Variants in CD46 observed in about 807,000 individuals in gnomAD.
CD46 encodes the protein membrane cofactor protein.
Under a neutral mutation model 53.3 loss-of-function variants are expected in CD46, and 30 were observed. That is an observed-to-expected ratio of 0.56 (90% CI 0.42 to 0.76). The LOEUF (loss-of-function observed/expected upper bound fraction) is 0.76, where lower values mean the gene tolerates loss of function less well. Among genes scored for constraint, CD46 ranks in the 30% least tolerant of loss-of-function variants. The pLI is 0.00. For missense variants in CD46, 409 were observed against 463.0 expected (o/e 0.88, Z 1.07); for synonymous variants, 142 against 152.0 (o/e 0.93, Z 0.48).
intron 8 of CD46, among the ~76,000 whole-genome samples, chr1:207,772,829 G>C (rs997244987): frequency 6.6e-6 from 1 of 152,116 alleles, no homozygotes; most frequent in African/African-American, 2.4e-5. Flanking sequence ...TTTTTGCATC[G>C]ATGTTCATCA....
At chr1:207,774,453 A>G (rs143201645) in intron 8 of CD46, among the ~76,000 whole-genome samples, 188 of 152,332 alleles carry the variant, frequency 1.2e-3, no homozygotes, top group Non-Finnish European at 2.2e-3. Context: ...TTTGCCCGTT[A>G]ACTGATGCAG....
At chr1:207,753,981 C>T (rs1320007637) in intron 1 of CD46, among the ~76,000 whole-genome samples, 1 of 152,144 alleles carries the variant, frequency 6.6e-6, no homozygotes, top group Non-Finnish European at 1.5e-5. Flanking sequence ...TGTTTACACA[C>T]ACATTCATGC....
chr1:207,762,934 A>C (rs1476196602), intron 5 of CD46: 1 of 152,450 alleles, frequency 6.6e-6, no homozygotes, highest in Admixed American at 6.5e-5. Flanking sequence ...TTGCTCTGTC[A>C]CCTCAGCACT....
rs1659691792 is a variant in CD46 at position 207,790,428 on chromosome 1, C to T, written c.*41+83C>T. On this transcript the variant is annotated intron_variant, in intron 12 of 12. Coordinates refer to ENST00000367042, the MANE Select transcript of CD46 (RefSeq NM_172351.3). ...GATATATAGATATCAATAACCTGAG[C>T]AAAGAGATATTGGCAGTAAATATCA... 5.5e-6 allele frequency: 4 copies of T among 723,116 alleles called. No homozygotes were observed. In the South Asian group the frequency reaches 6.0e-5, roughly 11 times the overall value. The allele number at this position is 723,116 out of a possible 1,614,324, so 44.8% of individuals were successfully genotyped here.
At position 207,790,188 on chromosome 1, in the gene CD46, G is replaced by A. The variant is rs375867489; in HGVS notation, c.1083-65G>A. On this transcript the variant is annotated intron_variant, in intron 11 of 12. Transcript: ENST00000367042. ...CACTGGATTTTATCCCACTTGTTAT[G>A]CTACTCGTTTCTTTTTGGTTTGAAG... 200 of 821,982 alleles carry A rather than the reference G, an allele frequency of 2.4e-4. No individual in the cohort carries two copies. The African/African-American group carries it at 2.9e-3, about 12-fold the overall frequency. 50.9% of individuals were successfully genotyped at this position (821,982 alleles called of 1,614,324 possible). A position where few individuals can be genotyped will look rare whatever the true frequency, so the allele number is the denominator to read the frequency against.
At position 207,761,444 on chromosome 1, in the gene CD46, A is replaced by G; in HGVS notation, c.671A>G (p.Lys224Arg). ...TGGAGTCGTGCTGCTCCAGAGTGTA[A>G]AGGTAGTGTTTCAATTTATTTCCTT... ...SVWSRAAPEC[K>R]VVKCRFPVVE... The change falls in exon 5 of 13, where the codon AAA becomes AGA. Residue 224 changes from lysine to arginine, a missense_variant and splice_region_variant. Lys to Arg is a conservative substitution (Grantham distance 26, BLOSUM62 2). Transcript: ENST00000367042. 1 of 1,612,106 alleles carries G rather than the reference A, an allele frequency of 6.2e-7. No homozygotes were observed. Among genetic ancestry groups the G allele is most frequent in the South Asian group, 1.1e-5 (1 of 91,040 alleles).
intron 11 of CD46, among the ~76,000 whole-genome samples, chr1:207,786,551 C>A (rs1659291071): frequency 6.6e-6 from 1 of 152,146 alleles, no homozygotes; most frequent in South Asian, 2.1e-4. Flanking sequence ...AATATACATT[C>A]ATTTTTACTG....
At chr1:207,788,845 A>G (rs1461400747) in intron 11 of CD46, among the ~76,000 whole-genome samples, 5 of 152,246 alleles carry the variant, frequency 3.3e-5, no homozygotes, top group Non-Finnish European at 7.3e-5. Context: ...AAGATCATCC[A>G]ACATCATTTA....
chr1:207,763,402 T>A (rs567937327), intron 5 of CD46: 6 of 152,178 alleles, frequency 3.9e-5, no homozygotes, highest in East Asian at 3.9e-4. Flanking sequence ...ATCCCCTTCC[T>A]TCCCGTCTGC....
chr1:207,765,592 C>T (rs1011413460), intron 5 of CD46, among the ~76,000 whole-genome samples: 1 of 152,134 alleles, frequency 6.6e-6, no homozygotes, highest in Non-Finnish European at 1.5e-5. Flanking sequence ...GAAATAAAAA[C>T]TGTCTCTACT....
chr1:207,788,112 A>G (rs1315915394), intron 11 of CD46, among the ~76,000 whole-genome samples: 1 of 152,156 alleles, frequency 6.6e-6, no homozygotes, highest in Non-Finnish European at 1.5e-5. Context: ...TTTTTCTAAT[A>G]TTTAAGATAA....
chr1:207,766,880 A>G, intron 5 of CD46, 133 bp from the exon 6 acceptor site: 2 of 691,024 alleles, frequency 2.9e-6, no homozygotes, highest in South Asian at 1.7e-5. Flanking sequence ...TAACATTTAA[A>G]GTCTTTTAAA....
At chr1:207,755,784 T>C (rs1655467802) in intron 1 of CD46, among the ~76,000 whole-genome samples, 1 of 152,218 alleles carries the variant, frequency 6.6e-6, no homozygotes, top group Admixed American at 6.5e-5. Context: ...GCACAAGAAA[T>C]GGCCTAATCT....
chr1:207,759,550 G>A lies in CD46; in HGVS notation c.390-89G>A, dbSNP rs1655951917. 2.0e-5 allele frequency: 15 copies of A among 745,774 alleles called. No homozygotes were observed. In the Admixed American group the frequency reaches 3.1e-4, roughly 15 times the overall value. The allele number at this position is 745,774 out of a possible 1,614,324, so 46.2% of individuals were successfully genotyped here. On this transcript the variant is annotated intron_variant, in intron 3 of 12. Transcript: ENST00000367042. Reference sequence around the variant, plus strand: ...CACCCCCTCAAACTACTGTAGTGTAGAAAAGAAACCATATAAAAAATTCCT... The same window carrying A: ...CACCCCCTCAAACTACTGTAGTGTAAAAAAGAAACCATATAAAAAATTCCT...
In CD46 at chr1:207,789,870, GAAAAAAAAAAAA is replaced by G. The variant is rs150136290; in HGVS notation, c.1083-366_1083-355del. 5.4e-3 allele frequency among the ~76,000 whole-genome samples: 234 copies of G among 43,378 alleles called. 1 individual carries two copies. Among genetic ancestry groups the G allele is most frequent in the African/African-American group, 0.02 (224 of 10,948 alleles). 28.5% of individuals were successfully genotyped at this position (43,378 alleles called of 152,430 possible). The stretch of plus-strand genomic sequence containing the variant: ...GCAACATAGTGAGATGCTGTGTCTT[GAAAAAAAAAAAA>G]AAAAAAAAAAAAAAAATCAAGAGTG... On this transcript the variant is annotated intron_variant, in intron 11 of 12. Coordinates refer to ENST00000367042, the MANE Select transcript of CD46 (RefSeq NM_172351.3).
intron 8 of CD46, among the ~76,000 whole-genome samples, chr1:207,781,438 T>A (rs1018513645): frequency 1.3e-5 from 2 of 152,168 alleles, no homozygotes; most frequent in Non-Finnish European, 2.9e-5. Context: ...TGCTTTTAAT[T>A]GATGAAATAT....
At chr1:207,774,281 C>T (rs924132191) in intron 8 of CD46, among the ~76,000 whole-genome samples, 2 of 151,976 alleles carry the variant, frequency 1.3e-5, no homozygotes, top group Admixed American at 6.5e-5. Context: ...TGCATCTTTG[C>T]ATGTGAGATA....
chr1:207,780,807 A>C (rs560111618), intron 8 of CD46, among the ~76,000 whole-genome samples: 2 of 152,110 alleles, frequency 1.3e-5, no homozygotes, highest in Non-Finnish European at 2.9e-5. Flanking sequence ...AGTAACTTAT[A>C]ATGAACAGAA....
intron 3 of CD46, among the ~76,000 whole-genome samples, chr1:207,758,055 G>A (rs1401957993): frequency 5.3e-5 from 8 of 152,096 alleles, no homozygotes; most frequent in Non-Finnish European, 8.8e-5. Context: ...AAACTGACGC[G>A]GTTAGCCTTT....
Sources: allele counts gnomAD v4.1 joint callset (sites outside exome capture counted in the v4.1 genomes callset), GRCh38; gene constraint gnomAD v4.1.1; transcripts MANE v1.5; gene names NCBI Gene and HGNC (gene_info 2026-07-23, HGNC 2026-07-21).